Variants in SLC9A9 observed in about 807,000 individuals in gnomAD.
SLC9A9 encodes the protein solute carrier family 9 member A9, also known as sodium/hydrogen exchanger 9.
A neutral mutation model predicts 77.8 loss-of-function variants in SLC9A9; 62 were observed. The ratio of observed to expected loss-of-function variants is 0.80; its 90% CI spans 0.65 to 0.98. The LOEUF is 0.98. SLC9A9 is among the 50% of genes least tolerant of loss of function. The pLI, the probability that SLC9A9 is intolerant of heterozygous loss-of-function variation, is 0.00. For synonymous variants in SLC9A9, 320 were observed against 283.5 expected (o/e 1.13, Z -1.29); for missense variants, 775 against 774.9 (o/e 1.00, Z 0.00).
chr3:143,437,293 C>T (rs560751423), intron 12 of SLC9A9, among the ~76,000 whole-genome samples: 161 of 152,352 alleles, frequency 1.1e-3, no homozygotes, highest in African/African-American at 3.7e-3. Context: ...TTCTTGATTC[C>T]TAGTCCCACA....
At chr3:143,278,695 G>A (rs976991624) in intron 14 of SLC9A9, among the ~76,000 whole-genome samples, 3 of 152,162 alleles carry the variant, frequency 2.0e-5, no homozygotes, top group Admixed American at 6.5e-5. Flanking sequence ...GTTCCAGCAC[G>A]ACCTTGTCTT....
At chr3:143,646,605 A>G (rs888784667) in intron 6 of SLC9A9, among the ~76,000 whole-genome samples, 2 of 152,134 alleles carry the variant, frequency 1.3e-5, no homozygotes, top group Non-Finnish European at 2.9e-5. Context: ...CACTCAACCA[A>G]CTAGTAACCA....
chr3:143,699,508 G>A (rs991939861), intron 4 of SLC9A9, among the ~76,000 whole-genome samples: 16 of 152,296 alleles, frequency 1.1e-4, no homozygotes, highest in Admixed American at 3.9e-4. Flanking sequence ...GAGAATCTGT[G>A]CTTCTGGGAC....
At chr3:143,409,338 AC>A (rs2034048371) in intron 12 of SLC9A9, among the ~76,000 whole-genome samples, 1 of 152,202 alleles carries the variant, frequency 6.6e-6, no homozygotes, top group South Asian at 2.1e-4. Flanking sequence ...ATTTTCAGGC[AC>A]AGGTGACACA....
intron 4 of SLC9A9, among the ~76,000 whole-genome samples, chr3:143,706,608 T>G (rs1933986078): frequency 6.6e-6 from 1 of 152,176 alleles, no homozygotes; most frequent in Admixed American, 6.5e-5. Context: ...GTCCAAATCC[T>G]GTATCGGATA....
At chr3:143,465,468 C>T (rs146590102) in intron 12 of SLC9A9, among the ~76,000 whole-genome samples, 1 of 152,324 alleles carries the variant, frequency 6.6e-6, no homozygotes, top group East Asian at 1.9e-4. Flanking sequence ...TTGGGGACAA[C>T]TTCTTTTGGG....
chr3:143,268,997 G>A lies in SLC9A9; in HGVS notation c.1605-17C>T. ...TTCAGATACCTGGGAGGCCTGTTAA[G>A]GAATACTTGTCAACAGGGAGTTAGG... On this transcript the variant is annotated splice_polypyrimidine_tract_variant and intron_variant, in intron 14 of 15. Coordinates refer to ENST00000316549, the MANE Select transcript of SLC9A9 (RefSeq NM_173653.4). The A allele has an allele frequency of 1.9e-6, 3 of 1,555,744 alleles. No individual in the cohort carries two copies. In the South Asian group the frequency reaches 3.3e-5, roughly 17 times the overall value.
intron 6 of SLC9A9, among the ~76,000 whole-genome samples, chr3:143,602,347 C>T (rs1401971922): frequency 6.6e-6 from 1 of 152,182 alleles, no homozygotes; most frequent in East Asian, 1.9e-4. Flanking sequence ...TAGGTCAACA[C>T]ATTTCAAGAT....
intron 4 of SLC9A9, among the ~76,000 whole-genome samples, chr3:143,720,026 A>G (rs1934455805): frequency 6.6e-6 from 1 of 151,866 alleles, no homozygotes; most frequent in African/African-American, 2.4e-5. Context: ...TGTAATTCCT[A>G]ACCCTAATAG....
At chr3:143,649,940 A>G (rs1297520018) in intron 6 of SLC9A9, among the ~76,000 whole-genome samples, 3 of 151,522 alleles carry the variant, frequency 2.0e-5, no homozygotes, top group African/African-American at 7.2e-5. Context: ...CTTCAAGTAC[A>G]TAGAGTCTGC....
chr3:143,767,232 CT>C (rs1221238582), intron 4 of SLC9A9, among the ~76,000 whole-genome samples: 7 of 152,122 alleles, frequency 4.6e-5, no homozygotes, highest in African/African-American at 1.7e-4. Flanking sequence ...GCCAGGGTGT[CT>C]TTGGGCAGGA....
At chr3:143,563,667 A>T (rs975487641) in intron 8 of SLC9A9, among the ~76,000 whole-genome samples, 1 of 152,184 alleles carries the variant, frequency 6.6e-6, no homozygotes, top group Non-Finnish European at 1.5e-5. Flanking sequence ...TGTATATTCT[A>T]ACATAATATA....
chr3:143,591,522 A>C (rs1452946994), intron 6 of SLC9A9, among the ~76,000 whole-genome samples: 1 of 151,786 alleles, frequency 6.6e-6, no homozygotes, highest in African/African-American at 2.4e-5. Context: ...TCTTCAGGAC[A>C]TGGCTTTATC....
intron 6 of SLC9A9, among the ~76,000 whole-genome samples, chr3:143,583,718 C>T (rs1296595426): frequency 6.6e-6 from 1 of 152,172 alleles, no homozygotes; most frequent in Non-Finnish European, 1.5e-5. Flanking sequence ...GTGTCTCACC[C>T]AGTAAGAACT....
chr3:143,845,915 G>C (rs2009821540), intron 1 of SLC9A9, among the ~76,000 whole-genome samples: 1 of 152,172 alleles, frequency 6.6e-6, no homozygotes, highest in Non-Finnish European at 1.5e-5. Context: ...CATGAAAGAA[G>C]AATAGGAATC....
At chr3:143,679,015 T>C (rs1560027495) in intron 5 of SLC9A9, among the ~76,000 whole-genome samples, 1 of 138,708 alleles carries the variant, frequency 7.2e-6, no homozygotes, top group Non-Finnish European at 1.5e-5. Flanking sequence ...TTTGGATTGA[T>C]GTGTGTGGGA....
chr3:143,606,861 A>C (rs985964955), intron 6 of SLC9A9, among the ~76,000 whole-genome samples: 3 of 152,260 alleles, frequency 2.0e-5, no homozygotes, highest in East Asian at 1.9e-4. Context: ...TTGCAGAAGA[A>C]AGAAGGTAGG....
At chr3:143,359,948 C>G (rs574627394) in intron 14 of SLC9A9, among the ~76,000 whole-genome samples, 1 of 152,188 alleles carries the variant, frequency 6.6e-6, no homozygotes, top group African/African-American at 2.4e-5. Context: ...AATAAATGTT[C>G]AAGATGTGAG....
At position 143,640,598 on chromosome 3, in the gene SLC9A9, C is replaced by A. The variant is rs527662802; in HGVS notation, c.755+11657G>T. On this transcript the variant is annotated intron_variant, in intron 6 of 15. Coordinates refer to ENST00000316549, the MANE Select transcript of SLC9A9 (RefSeq NM_173653.4). ...GTTTTAGGCCGGGCATGGTGGCTCA[C>A]AACTGTAATCCCAGCACTTTGGGAG... 2.6e-5 allele frequency among the ~76,000 whole-genome samples: 4 copies of A among 152,092 alleles called. No homozygotes were observed. In the East Asian group the frequency reaches 7.8e-4, roughly 30 times the overall value.
Sources: allele counts gnomAD v4.1 joint callset (sites outside exome capture counted in the v4.1 genomes callset), GRCh38; gene constraint gnomAD v4.1.1; transcripts MANE v1.5; gene names NCBI Gene and HGNC (gene_info 2026-07-23, HGNC 2026-07-21).